Variants in NECTIN1 observed in about 807,000 individuals in gnomAD.
The protein encoded by NECTIN1 is nectin cell adhesion molecule 1.
A neutral mutation model predicts 48.0 loss-of-function variants in NECTIN1; 23 were observed. That is an observed-to-expected ratio of 0.48 (90% CI 0.34 to 0.68). The LOEUF is 0.68. Ranked by LOEUF, NECTIN1 falls within the 30% of genes least tolerant of loss-of-function variation. NECTIN1 has a pLI of 0.01. For synonymous variants in NECTIN1, 270 were observed against 288.9 expected, an observed-to-expected ratio of 0.93 and a Z score of 0.66; for missense variants, 591 against 709.9, an observed-to-expected ratio of 0.83 and a Z score of 1.90.
intron 6 of NECTIN1, chr11:119,638,912 GC>G: frequency 1.9e-6 from 2 of 1,054,816 alleles, no homozygotes; most frequent in South Asian, 2.6e-5. Context: ...ACAAGAGCAG[GC>G]CCGGGAGCTC....
intron 5 of NECTIN1, among the ~76,000 whole-genome samples, chr11:119,670,292 GT>G (rs1864844224): frequency 6.6e-6 from 1 of 152,054 alleles, no homozygotes; most frequent in Admixed American, 6.5e-5. Context: ...TTTATCTATT[GT>G]CTTTCCTCCT....
chr11:119,694,696 G>C (rs539446754), intron 1 of NECTIN1, among the ~76,000 whole-genome samples: 1 of 152,308 alleles, frequency 6.6e-6, no homozygotes, highest in African/African-American at 2.4e-5. Flanking sequence ...CTGGGGAGGG[G>C]AACCCTGGAG....
chr11:119,638,953 G>A, intron 6 of NECTIN1: 1 of 693,378 alleles, frequency 1.4e-6, no homozygotes, highest in Non-Finnish European at 2.4e-6. Context: ...TGAGAGGCCA[G>A]AGCTTGGGCT....
Position 119,728,503 on chromosome 11 carries a change from A to C in NECTIN1, c.51T>G (p.Ala17=). ...GGAGGAAGAATGCGGTCAAGCCGAGAGCGAGTCCCCACCAGCGTCCAGCGG... is the reference window on the plus strand; with the variant it reads ...GGAGGAAGAATGCGGTCAAGCCGAGCGCGAGTCCCCACCAGCGTCCAGCGG... ...AGAAGRWWGL[A]LGLTAFFLPG... The change falls in exon 1 of 6, where the codon GCT becomes GCG. Residue 17 remains alanine (A), a synonymous_variant. Transcript: ENST00000264025. 1 of 1,600,888 alleles carries C rather than the reference A, an allele frequency of 6.2e-7. No individual in the cohort carries two copies. The highest frequency in any genetic ancestry group is 8.5e-7 in the Non-Finnish European group (1 of 1,174,398).
intron 1 of NECTIN1, among the ~76,000 whole-genome samples, chr11:119,725,657 G>A (rs191911296): frequency 4.6e-5 from 7 of 152,300 alleles, no homozygotes; most frequent in Admixed American, 6.5e-5. Flanking sequence ...CAATAGCCCC[G>A]ACACTTGGAA....
At chr11:119,681,300 T>C (rs1865057556) in intron 1 of NECTIN1, among the ~76,000 whole-genome samples, 1 of 152,112 alleles carries the variant, frequency 6.6e-6, no homozygotes, top group Non-Finnish European at 1.5e-5. Context: ...GAAAAGCCAG[T>C]TGGGAGGGCT....
In NECTIN1 at chr11:119,680,094, G is replaced by A. The variant is rs369964981; in HGVS notation, c.80-1329C>T. On this transcript the variant is annotated intron_variant, in intron 1 of 5. Coordinates refer to ENST00000264025, the MANE Select transcript of NECTIN1 (RefSeq NM_002855.5). ...TGTTACTACACAAATTGCAATGGAAGTCAAGAGAGCAGACATTTGCAAGAA... is the reference window on the plus strand; with the variant it reads ...TGTTACTACACAAATTGCAATGGAAATCAAGAGAGCAGACATTTGCAAGAA... 2.8e-4 allele frequency among the ~76,000 whole-genome samples: 42 copies of A among 152,356 alleles called. 1 individual carries two copies. In the South Asian group the frequency reaches 8.1e-3, roughly 29 times the overall value.
intron 1 of NECTIN1, among the ~76,000 whole-genome samples, chr11:119,712,499 C>G (rs928740442): frequency 2.0e-5 from 3 of 152,184 alleles, no homozygotes; most frequent in African/African-American, 7.2e-5. Flanking sequence ...TCAGCCCCAG[C>G]ACGTGCAAGG....
chr11:119,657,814 G>C (rs1422396764), downstream of NECTIN1, among the ~76,000 whole-genome samples: 1 of 148,456 alleles, frequency 6.7e-6, no homozygotes, highest in East Asian at 2.0e-4. Context: ...TAGCCTACTT[G>C]GGAGGCTGAG....
downstream of NECTIN1, among the ~76,000 whole-genome samples, chr11:119,656,719 C>T (rs1864579680): frequency 6.6e-6 from 1 of 152,172 alleles, no homozygotes; most frequent in African/African-American, 2.4e-5. Flanking sequence ...CGTACTCAGG[C>T]AGAGAGCGGA....
intron 1 of NECTIN1, among the ~76,000 whole-genome samples, chr11:119,717,431 G>C (rs375019988): frequency 6.2e-4 from 95 of 152,348 alleles, no homozygotes; most frequent in African/African-American, 2.1e-3. Context: ...CTCAACGGCA[G>C]GGCTGGCCAC....
chr11:119,679,153 T>C (rs907437339), intron 1 of NECTIN1, among the ~76,000 whole-genome samples: 8 of 152,140 alleles, frequency 5.3e-5, no homozygotes, highest in Admixed American at 3.3e-4. Flanking sequence ...TGCACCCTCA[T>C]TTTTGGTTGC....
chr11:119,681,884 T>C (rs1591462101), intron 1 of NECTIN1, among the ~76,000 whole-genome samples: 1 of 152,176 alleles, frequency 6.6e-6, no homozygotes, highest in East Asian at 1.9e-4. Context: ...AGACTCACTT[T>C]GGTATTTGCC....
chr11:119,688,410 C>A (rs140828804), intron 1 of NECTIN1, among the ~76,000 whole-genome samples: 1 of 151,742 alleles, frequency 6.6e-6, no homozygotes, highest in African/African-American at 2.4e-5. Flanking sequence ...CCCCAGGGCA[C>A]GAATGAACTC....
chr11:119,678,473 G>A lies in NECTIN1; in HGVS notation c.372C>T (p.Cys124=), dbSNP rs528595387. ...TGCCCGTAGGGAAGGTAGCAAACTC[G>A]CAGATGTAGACACCCTCATCCTCCA... The part of the protein sequence containing the change: ...LELEDEGVYI[C]EFATFPTGNR... Residue 124 remains cysteine (C), a synonymous_variant, in exon 2 of 6, where the codon TGC becomes TGT. Coordinates refer to ENST00000264025, the MANE Select transcript of NECTIN1 (RefSeq NM_002855.5). The surrounding 1 kb of genome is among the most constrained non-coding windows in gnomAD (Gnocchi z 4.4). 53 of 1,614,222 alleles carry A rather than the reference G, an allele frequency of 3.3e-5. No individual in the cohort carries two copies. The highest frequency in any genetic ancestry group is 6.7e-5 in the African/African-American group (5 of 75,060).
At chr11:119,652,852 C>G (rs1215017892) in intron 5 of NECTIN1, among the ~76,000 whole-genome samples, 1 of 152,134 alleles carries the variant, frequency 6.6e-6, no homozygotes, top group Non-Finnish European at 1.5e-5. Context: ...TTTGTAGCAA[C>G]TTTAATTGTC....
intron 1 of NECTIN1, among the ~76,000 whole-genome samples, chr11:119,702,777 C>A (rs1865479816): frequency 6.6e-6 from 1 of 152,234 alleles, no homozygotes; most frequent in Admixed American, 6.5e-5. Flanking sequence ...AGAGCTGACC[C>A]TGGCATATGA....
At chr11:119,670,848 A>G (rs1007642063) in intron 5 of NECTIN1, among the ~76,000 whole-genome samples, 3 of 151,898 alleles carry the variant, frequency 2.0e-5, no homozygotes, top group Admixed American at 2.0e-4. Context: ...AACGTTGGCC[A>G]GGCTGGTCTC....
intron 1 of NECTIN1, among the ~76,000 whole-genome samples, chr11:119,715,801 C>A (rs1865733354): frequency 6.6e-6 from 1 of 152,270 alleles, no homozygotes; most frequent in East Asian, 1.9e-4. Context: ...CCACCATCCA[C>A]CCAGGCCTCA....
Sources: allele counts gnomAD v4.1 joint callset (sites outside exome capture counted in the v4.1 genomes callset), GRCh38; gene constraint gnomAD v4.1.1; non-coding constraint Gnocchi (gnomAD v3.1); transcripts MANE v1.5; gene names NCBI Gene and HGNC (gene_info 2026-07-23, HGNC 2026-07-21).